The following KCP variants were observed in gnomAD, a reference collection of about 807,000 sequenced individuals.
KCP encodes kielin cysteine rich BMP regulator, also known as kielin/chordin-like protein.
A neutral mutation model predicts 212.7 loss-of-function variants in KCP; 194 were observed. The observed-to-expected ratio is 0.91, with a 90% CI of 0.81 to 1.03. The LOEUF is 1.03. Among genes scored for constraint, KCP ranks in the 50% least tolerant of loss-of-function variants. KCP has a pLI of 0.00. For missense variants in KCP, 2,080 were observed against 2,162.5 expected, an observed-to-expected ratio of 0.96 and a Z score of 0.76; for synonymous variants, 833 against 865.3, an observed-to-expected ratio of 0.96 and a Z score of 0.65.
At chr7:128,894,331 G>A in intron 8 of KCP, 38 bp from the exon 9 acceptor site, 2 of 1,441,714 alleles carry the variant, frequency 1.4e-6, no homozygotes, top group Non-Finnish European at 1.9e-6. Flanking sequence ...GGCCGACAGG[G>A]CTCAACTGAG....
chr7:128,897,416 A>C (rs553623737), intron 8 of KCP, among the ~76,000 whole-genome samples: 94 of 152,354 alleles, frequency 6.2e-4, no homozygotes, highest in African/African-American at 2.1e-3. Flanking sequence ...GGTTCAGCTC[A>C]CAACTTAGAG....
At chr7:128,883,616 A>G (rs1163183450) in intron 29 of KCP, among the ~76,000 whole-genome samples, 3 of 152,212 alleles carry the variant, frequency 2.0e-5, no homozygotes, top group African/African-American at 4.8e-5. Context: ...AATATTTGTA[A>G]TAAAAATAAA....
In KCP at chr7:128,878,540, G is replaced by T; in HGVS notation, c.4311+18C>A. ...TGCGTCTCCCCTAATCCCCATCCCC[G>T]GTTCCTGTACCACTCACCTGCCAGC... On this transcript the variant is annotated intron_variant, in intron 38 of 39. Transcript: ENST00000610776. 6.5e-7 allele frequency: 1 copy of T among 1,546,926 alleles called. No homozygotes were observed.
chr7:128,883,888 C>T (rs1379032924), intron 29 of KCP, 114 bp downstream of exon 29: 88 of 1,334,236 alleles, frequency 6.6e-5, no homozygotes, highest in Non-Finnish European at 8.2e-5. Context: ...CATAGGGTTC[C>T]AGAACAGTCC....
chr7:128,906,955 C>T lies in KCP; in HGVS notation c.486+146G>A, dbSNP rs138957911. 1.6e-3 allele frequency: 1,224 copies of T among 782,374 alleles called. 12 individuals carry two copies. In the African/African-American group the frequency reaches 0.016, roughly 10 times the overall value. The allele number at this position is 782,374 out of a possible 1,614,324, so 48.5% of individuals were successfully genotyped here. A position where few individuals can be genotyped will look rare whatever the true frequency, so the allele number is the denominator to read the frequency against. On this transcript the variant is annotated intron_variant, in intron 4 of 39. Coordinates refer to ENST00000610776, the MANE Select transcript of KCP (RefSeq NM_001366122.1). ...TGGGCATTGAGCTCCTTTTCCTACT[C>T]GGAATCAACTGAAAGCCACCGTGGC...
intron 16 of KCP, among the ~76,000 whole-genome samples, chr7:128,892,237 G>A (rs1563037918): frequency 1.3e-5 from 2 of 151,844 alleles, no homozygotes; most frequent in South Asian, 2.1e-4. Context: ...GTAGGGGGGT[G>A]GGGGCCCTAG....
rs554345291 is a variant in KCP, at chr7:128,877,747, C to T, written c.4355G>A (p.Arg1452Gln). The change falls in exon 39 of 40, where the codon CGA (arginine) becomes CAA (glutamine). Residue 1452 changes from arginine to glutamine, a missense_variant. Transcript: ENST00000610776. ...TGCTGCCCGGCACGGATCCACCTCT[C>T]GGCCTGCAGAACAGGGCCGGCCAGG... ...LWPGRPCSAG[R>Q]EVDPCRAAGY... is the part of the protein sequence containing the mutation. 1.7e-5 allele frequency: 27 copies of T among 1,550,644 alleles called. No individual in the cohort carries two copies. Among genetic ancestry groups the T allele is most frequent in the African/African-American group, 1.2e-4 (9 of 73,182 alleles).
chr7:128,892,374 C>T, intron 16 of KCP, 140 bp downstream of exon 16: 1 of 662,296 alleles, frequency 1.5e-6, no homozygotes. Flanking sequence ...CCGTGAGTTC[C>T]AGAGAGTTCT....
intron 1 of KCP, among the ~76,000 whole-genome samples, chr7:128,909,953 C>T (rs1795342832): frequency 6.6e-6 from 1 of 152,180 alleles, no homozygotes; most frequent in African/African-American, 2.4e-5. Context: ...CATCTGAAAC[C>T]TTCTACCCAA....
intron 1 of KCP, 124 bp from the exon 2 acceptor site, chr7:128,908,692 T>TGCCC: frequency 1.9e-6 from 2 of 1,039,412 alleles, no homozygotes; most frequent in South Asian, 3.5e-5. Context: ...CCTCTCCAAT[T>TGCCC]GCCCACCCAC....
intron 37 of KCP, 85 bp from the exon 38 acceptor site, chr7:128,878,807 G>A: frequency 3.7e-6 from 5 of 1,337,832 alleles, no homozygotes; most frequent in African/African-American, 1.5e-5. Flanking sequence ...CAGGCACTGT[G>A]TTCAGTGCGG....
intron 4 of KCP, 118 bp downstream of exon 4, chr7:128,906,983 G>T: frequency 1.0e-6 from 1 of 964,916 alleles, no homozygotes. Flanking sequence ...ACCGTGGCAA[G>T]GTGTGGGAGT....
In KCP at chr7:128,880,398, G is replaced by C. The variant is rs907059859; in HGVS notation, c.3747C>G (p.Leu1249=). The C allele has an allele frequency of 2.6e-6, 4 of 1,536,980 alleles. No individual in the cohort carries two copies. The highest frequency in any genetic ancestry group is 3.5e-6 in the Non-Finnish European group (4 of 1,138,810). ...VRCQSQRCSP[L]SCGPDKAPAL... ...TTGCGGCACTCACGGGGCCACACGA[G>C]AGCGGTGAGCAGCGCTGGCTCTGGC... Residue 1249 remains leucine, a synonymous_variant, in exon 34 of 40, where the codon CTC becomes CTG. Transcript: ENST00000610776.
intron 1 of KCP, among the ~76,000 whole-genome samples, chr7:128,909,993 G>A (rs576314591): frequency 6.6e-6 from 1 of 152,320 alleles, no homozygotes; most frequent in African/African-American, 2.4e-5. Context: ...TCATCCTGCT[G>A]CCCAGGGCCC....
At chr7:128,895,204 CA>C (rs1794441180) in intron 8 of KCP, among the ~76,000 whole-genome samples, 1 of 152,176 alleles carries the variant, frequency 6.6e-6, no homozygotes. Context: ...GAAACTCATA[CA>C]GATACATAAA....
At position 128,879,521 on chromosome 7, in the gene KCP, C is replaced by A. The variant is rs896489948; in HGVS notation, c.4146+1G>T. On this transcript the variant is annotated splice_donor_variant, in intron 37 of 39. Coordinates refer to ENST00000610776, the MANE Select transcript of KCP (RefSeq NM_001366122.1). LOFTEE classifies it high-confidence loss of function. ...CACCCAGACTCGCCCTGGAGCCGCA[C>A]CTGGAGCCCGGGCTGGGCGTGCAGG... 1 of 1,548,746 alleles carries A rather than the reference C, an allele frequency of 6.5e-7. No homozygotes were observed.
In KCP at chr7:128,885,117, T is replaced by G. The variant is rs751468970; in HGVS notation, c.3020A>C (p.Asp1007Ala). Residue 1007 changes from aspartate (D) to alanine (A), a missense_variant, in exon 27 of 40, where the codon GAC becomes GCC. Transcript: ENST00000610776. ...SCAQPRQGPH[D>A]CCPQCSDCEH... is the part of the protein sequence containing the mutation. Reference sequence around the variant, plus strand: ...AGTACCAGAGCATTGAGGACAGCAGTCATGGGGCCCTTGGCGGGGCTGGGC... The same window carrying G: ...AGTACCAGAGCATTGAGGACAGCAGGCATGGGGCCCTTGGCGGGGCTGGGC... 14 of 1,550,678 alleles carry G rather than the reference T, an allele frequency of 9.0e-6. No homozygotes were observed. Among genetic ancestry groups the G allele is most frequent in the Non-Finnish European group, 1.2e-5 (14 of 1,146,988 alleles).
Position 128,885,280 on chromosome 7 carries a change from A to C in KCP, c.2867-10T>G. On this transcript the variant is annotated splice_polypyrimidine_tract_variant and intron_variant, in intron 26 of 39. Transcript: ENST00000610776. ...CCATGAGCCAGGCAGCCTGTGGTGCAAAGTGGGCAGGGACGAGCTCGGAGG... is the reference window on the plus strand; with the variant it reads ...CCATGAGCCAGGCAGCCTGTGGTGCCAAGTGGGCAGGGACGAGCTCGGAGG... 6.5e-7 allele frequency: 1 copy of C among 1,538,086 alleles called. No homozygotes were observed. The highest frequency in any genetic ancestry group is 8.8e-7 in the Non-Finnish European group (1 of 1,137,538).
In KCP at chr7:128,877,325, G is replaced by T; in HGVS notation, c.4619-14C>A. On this transcript the variant is annotated splice_polypyrimidine_tract_variant and intron_variant, in intron 39 of 39. Transcript: ENST00000610776. ...GGCAGCCTACCACTGCAGGGGGAGT[G>T]GGAGGCGGGGTTACCAAGGCACCTG... 6.6e-7 allele frequency: 1 copy of T among 1,526,698 alleles called. No individual in the cohort carries two copies. Among genetic ancestry groups the T allele is most frequent in the Admixed American group, 2.3e-5 (1 of 44,086 alleles). The allele number at this position is 1,526,698 out of a possible 1,614,324, so 94.6% of individuals were successfully genotyped here.
Sources: gnomAD v4.1 joint callset for allele counts (sites outside exome capture counted in the v4.1 genomes callset) on GRCh38, gnomAD v4.1.1 for gene constraint, MANE v1.5 for transcripts, NCBI Gene and HGNC (gene_info 2026-07-23, HGNC 2026-07-21) for gene names.